Variants in TLN2 observed in about 807,000 individuals in gnomAD.
TLN2 encodes the protein talin-2.
In TLN2, 118 loss-of-function variants were observed where a neutral mutation model predicts 294.7. That is an observed-to-expected ratio of 0.40 (90% confidence interval 0.34 to 0.47). The LOEUF is 0.47. TLN2 is among the 20% of genes least tolerant of loss of function. The probability of loss-of-function intolerance (pLI) is 0.84; values close to 1 mark genes in which losing one functional copy is unlikely to be tolerated. For synonymous variants in TLN2, 1,431 were observed against 1,304.5 expected, an observed-to-expected ratio of 1.10 and a Z score of -2.09; for missense variants, 3,083 against 3,282.2, an observed-to-expected ratio of 0.94 and a Z score of 1.48.
intron 54 of TLN2, among the ~76,000 whole-genome samples, chr15:62,824,408 CTGAT>C (rs2067850510): frequency 6.6e-6 from 1 of 152,174 alleles, no homozygotes; most frequent in Non-Finnish European, 1.5e-5. Flanking sequence ...CATTTTTATC[CTGAT>C]CTTCAATTTA....
intron 1 of TLN2, among the ~76,000 whole-genome samples, chr15:62,515,618 T>C (rs1055895128): frequency 6.6e-6 from 1 of 152,240 alleles, no homozygotes; most frequent in Non-Finnish European, 1.5e-5. Context: ...TGTGTAGACA[T>C]ACTACCAGTG....
chr15:62,403,250 C>T (rs551656467), intron 1 of TLN2, among the ~76,000 whole-genome samples: 105 of 151,598 alleles, frequency 6.9e-4, no homozygotes, highest in Non-Finnish European at 1.1e-3. Context: ...AAAAAAACAG[C>T]AGGAAGAAAA....
At chr15:62,528,632 A>G (rs538124257) in intron 1 of TLN2, among the ~76,000 whole-genome samples, 1 of 146,942 alleles carries the variant, frequency 6.8e-6, no homozygotes, top group African/African-American at 2.5e-5. Context: ...CAAAGGTATC[A>G]CTTATTGACA....
At chr15:62,522,153 A>G (rs1416240386) in intron 1 of TLN2, among the ~76,000 whole-genome samples, 2 of 152,168 alleles carry the variant, frequency 1.3e-5, no homozygotes, top group Admixed American at 6.5e-5. Context: ...TTTGGTTCAC[A>G]GTGTGGATGC....
At chr15:62,713,124 C>A (rs2059527704) in intron 22 of TLN2, among the ~76,000 whole-genome samples, 1 of 151,766 alleles carries the variant, frequency 6.6e-6, no homozygotes, top group South Asian at 2.1e-4. Context: ...AAAAAATTAA[C>A]TGGGCATGGT....
chr15:62,646,165 C>G (rs368598347), intron 3 of TLN2, among the ~76,000 whole-genome samples: 1 of 93,422 alleles, frequency 1.1e-5, no homozygotes, highest in African/African-American at 3.8e-5. Flanking sequence ...CTTTTCTTTT[C>G]TTTCTTTTTT....
At chr15:62,491,326 C>CA (rs775626928) in intron 1 of TLN2, among the ~76,000 whole-genome samples, 7,582 of 98,742 alleles carry the variant, frequency 0.077, 388 homozygotes, top group Middle Eastern at 0.1. Context: ...GACTCTGTCT[C>CA]AAAAAAAAAA....
rs528932932 is a variant in TLN2 at position 62,594,814 on chromosome 15, A to G, written c.-162+5052A>G. Among the ~76,000 whole-genome samples, 3 of 152,340 alleles carry G rather than the reference A, an allele frequency of 2.0e-5. No individual in the cohort carries two copies. In the South Asian group the frequency reaches 6.2e-4, roughly 32 times the overall value. On this transcript the variant is annotated intron_variant, in intron 2 of 58. Transcript: ENST00000636159. Reference sequence around the variant, plus strand: ...AAAACAGAAATAGACAAATGGGATTACATTAAACTAAAGCTTCTGCAAAGC... The same window carrying G: ...AAAACAGAAATAGACAAATGGGATTGCATTAAACTAAAGCTTCTGCAAAGC...
At chr15:62,649,246 T>G (rs1329303980) in intron 4 of TLN2, among the ~76,000 whole-genome samples, 1 of 152,102 alleles carries the variant, frequency 6.6e-6, no homozygotes, top group Non-Finnish European at 1.5e-5. Context: ...TCATTTCTGG[T>G]GCCTTTACTT....
At chr15:62,733,164 A>G (rs1249019254) in intron 28 of TLN2, among the ~76,000 whole-genome samples, 2 of 152,218 alleles carry the variant, frequency 1.3e-5, no homozygotes, top group Non-Finnish European at 2.9e-5. Context: ...AGAAAGAAGA[A>G]CATGGAGCTG....
At chr15:62,757,689 C>T (rs1301314995) in intron 37 of TLN2, among the ~76,000 whole-genome samples, 2 of 152,134 alleles carry the variant, frequency 1.3e-5, no homozygotes, top group Non-Finnish European at 2.9e-5. Flanking sequence ...AAAAGATAGG[C>T]CTGTGCAGAA....
intron 1 of TLN2, among the ~76,000 whole-genome samples, chr15:62,540,382 T>TAAGC (rs1246667424): frequency 6.8e-6 from 1 of 146,434 alleles, no homozygotes; most frequent in Non-Finnish European, 1.5e-5. Flanking sequence ...TTTACATGAG[T>TAAGC]AAGCGTCTTG....
chr15:62,753,296 G>A (rs886651425), intron 35 of TLN2, among the ~76,000 whole-genome samples: 1 of 152,024 alleles, frequency 6.6e-6, no homozygotes, highest in East Asian at 1.9e-4. Context: ...GACATGCTTC[G>A]GTAAGCTACG....
intron 57 of TLN2, 56 bp downstream of exon 57, chr15:62,836,129 C>T: frequency 1.3e-6 from 2 of 1,545,394 alleles, no homozygotes; most frequent in South Asian, 1.2e-5. Context: ...GTAAGTGTCA[C>T]CAGAGGGGAC....
At chr15:62,546,252 C>A (rs926493132) in intron 1 of TLN2, among the ~76,000 whole-genome samples, 1 of 152,258 alleles carries the variant, frequency 6.6e-6, no homozygotes, top group African/African-American at 2.4e-5. Context: ...TTGATGAAAT[C>A]GATTCTTGCT....
intron 2 of TLN2, among the ~76,000 whole-genome samples, chr15:62,609,486 A>G (rs2047732241): frequency 6.6e-6 from 1 of 152,202 alleles, no homozygotes; most frequent in Non-Finnish European, 1.5e-5. Context: ...TCAGGCTGGA[A>G]CAGTTCACAA....
At chr15:62,673,729 C>G (rs1363117990) in intron 9 of TLN2, 98 bp from the exon 10 acceptor site, 1 of 874,594 alleles carries the variant, frequency 1.1e-6, no homozygotes, top group Non-Finnish European at 1.8e-6. Flanking sequence ...TATTGGGAGA[C>G]TTAGTGAGTT....
intron 7 of TLN2, among the ~76,000 whole-genome samples, chr15:62,655,254 T>TCA (rs1352146008): frequency 6.6e-6 from 1 of 152,194 alleles, no homozygotes; most frequent in Non-Finnish European, 1.5e-5. Flanking sequence ...GATAAGGACT[T>TCA]AACCCACAAT....
Position 62,842,357 on chromosome 15 carries a change from TCTTGGCTCGC to T in TLN2, c.*1749_*1758del, listed in dbSNP as rs1304799640. ...GCCTGTTGGGGAAAAGCTGGCACAC[TCTTGGCTCGC>T]CCTCTTTGAGTGGAGCTGATCCAAC... On this transcript the variant is annotated 3_prime_UTR_variant, in exon 59 of 59. Coordinates refer to ENST00000636159, the MANE Select transcript of TLN2 (RefSeq NM_015059.3). 1 of 152,284 alleles carries T rather than the reference TCTTGGCTCGC, an allele frequency of 6.6e-6. No individual in the cohort carries two copies. The highest frequency in any genetic ancestry group is 1.5e-5 in the Non-Finnish European group (1 of 68,126). 9.4% of individuals were successfully genotyped at this position (152,284 alleles called of 1,614,324 possible).
Sources: allele counts gnomAD v4.1 joint callset (sites outside exome capture counted in the v4.1 genomes callset), GRCh38; gene constraint gnomAD v4.1.1; transcripts MANE v1.5; gene names NCBI Gene and HGNC (gene_info 2026-07-23, HGNC 2026-07-21).